MTCL3: variants seen among roughly 807,000 people sequenced by gnomAD.
MTCL3 encodes microtubule cross-linking factor 3.
chr6:127,475,233 G>T, the MTCL3 span: 1 of 1,511,622 alleles, frequency 6.6e-7, no homozygotes, highest in Non-Finnish European at 8.9e-7. This position sits in a 1 kb window ranked among gnomAD's most constrained non-coding sequence, Gnocchi z 7.3. Context: ...CGCCCCCCAG[G>T]GACGCGGCTC....
At chr6:127,489,168 T>G in the MTCL3 span, among the ~76,000 whole-genome samples, 1 of 152,192 alleles carries the variant, frequency 6.6e-6, no homozygotes, top group East Asian at 1.9e-4. Context: ...ATTATGATAA[T>G]CTGGGATGAA....
At chr6:127,517,270 G>A in the MTCL3 span, among the ~76,000 whole-genome samples, 3 of 152,124 alleles carry the variant, frequency 2.0e-5, no homozygotes, top group Middle Eastern at 3.2e-3. Flanking sequence ...CCTTAATGTT[G>A]TTTTTGGGAA....
At chr6:127,505,343 A>C in the MTCL3 span, among the ~76,000 whole-genome samples, 1 of 152,232 alleles carries the variant, frequency 6.6e-6, no homozygotes, top group Non-Finnish European at 1.5e-5. Flanking sequence ...CAGCCATAAA[A>C]AGAAACAGAT....
chr6:127,494,095 C>G, the MTCL3 span, among the ~76,000 whole-genome samples: 1,211 of 152,276 alleles, frequency 8.0e-3, 21 homozygotes, highest in African/African-American at 0.028. Context: ...TGTACAGTGT[C>G]TTTTTAAGCC....
chr6:127,484,598 G>A, the MTCL3 span, among the ~76,000 whole-genome samples: 1 of 152,166 alleles, frequency 6.6e-6, no homozygotes. Context: ...ACTCAATTAT[G>A]TGTTTATTTA....
chr6:127,475,350 G>T, the MTCL3 span: 2 of 1,613,240 alleles, frequency 1.2e-6, no homozygotes, highest in Non-Finnish European at 1.7e-6. This position sits in a 1 kb window ranked among gnomAD's most constrained non-coding sequence, Gnocchi z 7.3. Flanking sequence ...TGGGCACCTC[G>T]AGGCGGTCGA....
At chr6:127,478,292 C>G in the MTCL3 span, among the ~76,000 whole-genome samples, 17 of 152,108 alleles carry the variant, frequency 1.1e-4, no homozygotes, top group Middle Eastern at 3.2e-3. Context: ...CCATTTAGAT[C>G]GCTTTCAAAA....
the MTCL3 span, among the ~76,000 whole-genome samples, chr6:127,507,965 C>T: frequency 6.6e-5 from 10 of 151,144 alleles, no homozygotes; most frequent in Non-Finnish European, 1.3e-4. Context: ...AATTTAGTCT[C>T]TTATTCCTGC....
At chr6:127,474,510 T>TCCTG in the MTCL3 span, among the ~76,000 whole-genome samples, 2 of 152,132 alleles carry the variant, frequency 1.3e-5, no homozygotes, top group African/African-American at 4.8e-5. Context: ...ACTCCTGACC[T>TCCTG]CCTGCCCTCT....
the MTCL3 span, chr6:127,482,987 G>T: frequency 6.2e-7 from 1 of 1,600,336 alleles, no homozygotes; most frequent in Non-Finnish European, 8.5e-7. The surrounding 1 kb of genome is among the most constrained non-coding windows in gnomAD (Gnocchi z 4.1). Context: ...AAGGATAACT[G>T]AAACAAAGCA....
the MTCL3 span, among the ~76,000 whole-genome samples, chr6:127,504,413 C>G: frequency 6.6e-6 from 1 of 152,148 alleles, no homozygotes; most frequent in Non-Finnish European, 1.5e-5. Context: ...ATATATGCTT[C>G]ATAAATAGTT....
At chr6:127,515,422 G>A in the MTCL3 span, 2 of 1,249,182 alleles carry the variant, frequency 1.6e-6, no homozygotes, top group Non-Finnish European at 2.1e-6. The surrounding 1 kb of genome is among the most constrained non-coding windows in gnomAD (Gnocchi z 4.3). Context: ...CTCCCTAACA[G>A]GTTAGCAGCC....
chr6:127,516,280 C>T, the MTCL3 span: 2 of 1,518,708 alleles, frequency 1.3e-6, no homozygotes, highest in Admixed American at 4.2e-5. Flanking sequence ...CGGAGCGGCC[C>T]CTTTGGGCGC....
At chr6:127,515,599 G>T in the MTCL3 span, 2 of 1,429,022 alleles carry the variant, frequency 1.4e-6, no homozygotes, top group Admixed American at 3.3e-5. The surrounding 1 kb of genome is among the most constrained non-coding windows in gnomAD (Gnocchi z 4.3). Context: ...GTGCGGCTGC[G>T]ACGAAGGGGG....
chr6:127,474,605 G>C, the MTCL3 span, among the ~76,000 whole-genome samples: 1 of 151,600 alleles, frequency 6.6e-6, no homozygotes, highest in African/African-American at 2.4e-5. Flanking sequence ...TTTGAGACAG[G>C]GTTTCACTCT....
At chr6:127,503,776 G>C in the MTCL3 span, among the ~76,000 whole-genome samples, 30 of 152,318 alleles carry the variant, frequency 2.0e-4, no homozygotes, top group Non-Finnish European at 3.7e-4. Context: ...ATTTCTGGAA[G>C]TGGGGTGAGG....
the MTCL3 span, among the ~76,000 whole-genome samples, chr6:127,507,070 T>C: frequency 6.6e-6 from 1 of 151,628 alleles, no homozygotes; most frequent in Non-Finnish European, 1.5e-5. Context: ...AGTTCAGGGT[T>C]GGAGACTTAA....
At chr6:127,487,891 G>A in the MTCL3 span, among the ~76,000 whole-genome samples, 1 of 152,118 alleles carries the variant, frequency 6.6e-6, no homozygotes, top group Non-Finnish European at 1.5e-5. Context: ...ATAAAGACTT[G>A]ACCAGATTTC....
the MTCL3 span, chr6:127,475,249 G>A: frequency 1.1e-5 from 17 of 1,538,946 alleles, no homozygotes; most frequent in South Asian, 8.8e-5. This position sits in a 1 kb window ranked among gnomAD's most constrained non-coding sequence, Gnocchi z 7.3. Context: ...GGCTCCACGG[G>A]CCAGCCTGGC....
Sources: allele counts gnomAD v4.1 joint callset (sites outside exome capture counted in the v4.1 genomes callset), GRCh38; gene constraint gnomAD v4.1.1; non-coding constraint Gnocchi (gnomAD v3.1); transcripts MANE v1.5; gene names NCBI Gene and HGNC (gene_info 2026-07-23, HGNC 2026-07-21).